The following SYNE2 variants were observed in gnomAD, a reference collection of about 807,000 sequenced individuals.
SYNE2 encodes nesprin-2.
SYNE2 carries 431 observed loss-of-function variants against 856.3 expected under a neutral mutation model. The ratio of observed to expected loss-of-function variants is 0.50; its 90% CI spans 0.47 to 0.55. SYNE2 has a LOEUF of 0.55. Among genes scored for constraint, SYNE2 ranks in the 20% least tolerant of loss-of-function variants. SYNE2 has a pLI of 0.00. For missense variants in SYNE2, 8,129 were observed against 8,023.2 expected, an observed-to-expected ratio of 1.01 and a Z score of -0.50; for synonymous variants, 2,923 against 2,872.3, an observed-to-expected ratio of 1.02 and a Z score of -0.56.
In SYNE2 at chr14:64,065,432, G is replaced by A; in HGVS notation, c.10213G>A (p.Ala3405Thr). ...EALERLEQSKALVSNLISTKE... is the reference protein window; with the variant it reads ...EALERLEQSKTLVSNLISTKE... ...TATTTTTTTTCTTTTCTTTCTTAAGGCCTTGGTGTCAAATCTTATATCAAC... is the reference window on the plus strand; with the variant it reads ...TATTTTTTTTCTTTTCTTTCTTAAGACCTTGGTGTCAAATCTTATATCAAC... Residue 3405 changes from alanine to threonine, a missense_variant and splice_region_variant, in exon 51 of 116, where the codon GCC (alanine) becomes ACC (threonine). Around this residue, in one of 3 missense-constraint regions of SYNE2, gnomAD observed 5,410 missense variants for 5,284.8 expected, o/e 1.02. Transcript: ENST00000555002. 6.2e-7 allele frequency: 1 copy of A among 1,613,734 alleles called. No homozygotes were observed. Among genetic ancestry groups the A allele is most frequent in the Non-Finnish European group, 8.5e-7 (1 of 1,179,790 alleles).
At chr14:64,040,402 C>T (rs1205609775) in intron 45 of SYNE2, among the ~76,000 whole-genome samples, 5 of 151,424 alleles carry the variant, frequency 3.3e-5, no homozygotes, top group Non-Finnish European at 5.9e-5. Context: ...AACAAAAGGA[C>T]GGATTTGAAA....
At position 63,815,238 on chromosome 14, in the gene SYNE2, A is replaced by G. The variant is rs1249893827; in HGVS notation, c.-304-37263A>G. On this transcript the variant is annotated intron_variant, in intron 1 of 23. Transcript: ENST00000674003. ...TATCCATATATATATCCATATATAT[A>G]TGGATATATATATATATATAAGGGA... 2.3e-5 allele frequency among the ~76,000 whole-genome samples: 3 copies of G among 129,198 alleles called. 1 individual carries two copies. Among genetic ancestry groups the G allele is most frequent in the Non-Finnish European group, 4.8e-5 (3 of 62,266 alleles). 84.8% of individuals were successfully genotyped at this position (129,198 alleles called of 152,430 possible). A position where few individuals can be genotyped will look rare whatever the true frequency, so the allele number is the denominator to read the frequency against.
At chr14:64,034,151 C>T (rs1275801291) in intron 45 of SYNE2, among the ~76,000 whole-genome samples, 1 of 152,122 alleles carries the variant, frequency 6.6e-6, no homozygotes, top group Non-Finnish European at 1.5e-5. Flanking sequence ...ATGACTGAAG[C>T]TGGATTCTCA....
chr14:63,778,502 T>G (rs1226777109), intron 1 of SYNE2, among the ~76,000 whole-genome samples: 1 of 152,104 alleles, frequency 6.6e-6, no homozygotes, highest in Admixed American at 6.6e-5. Flanking sequence ...TTTTATTATT[T>G]TATTTATTTA....
At chr14:64,164,640 C>A (rs1439951148) in intron 89 of SYNE2, among the ~76,000 whole-genome samples, 1 of 152,092 alleles carries the variant, frequency 6.6e-6, no homozygotes, top group African/African-American at 2.4e-5. Flanking sequence ...TCAGTACCAG[C>A]AGGAAAACAA....
intron 19 of SYNE2, 41 bp from the exon 20 acceptor site, chr14:63,990,370 C>T (rs1488948165): frequency 6.3e-7 from 1 of 1,593,280 alleles, no homozygotes; most frequent in South Asian, 1.1e-5. Flanking sequence ...AGCATATAAT[C>T]AGAATGTTTA....
At chr14:64,194,206 A>C (rs1336665593) in intron 99 of SYNE2, among the ~76,000 whole-genome samples, 1 of 152,230 alleles carries the variant, frequency 6.6e-6, no homozygotes, top group African/African-American at 2.4e-5. Context: ...ATGACAAGAA[A>C]TATTATATGC....
At chr14:64,169,892 G>A (rs1351556921) in intron 93 of SYNE2, among the ~76,000 whole-genome samples, 1 of 152,186 alleles carries the variant, frequency 6.6e-6, no homozygotes, top group Non-Finnish European at 1.5e-5. Flanking sequence ...GTACCTGCCT[G>A]TTCATCTGTT....
chr14:64,098,319 G>T, intron 62 of SYNE2, 173 bp downstream of exon 62: 1 of 748,762 alleles, frequency 1.3e-6, no homozygotes. Context: ...AATCCTCAGG[G>T]TGTGCCTGTT....
At chr14:63,815,644 A>G (rs1160372671) in intron 1 of SYNE2, among the ~76,000 whole-genome samples, 3 of 152,110 alleles carry the variant, frequency 2.0e-5, no homozygotes, top group Non-Finnish European at 4.4e-5. Context: ...AGTATTAACC[A>G]TCACACTGCC....
In SYNE2 at chr14:64,002,046, C is replaced by G; in HGVS notation, c.3751C>G (p.Leu1251Val). ...TAAAATGGCCATCCAGGGATTTCATCTCATTGATGCTGATCGCATCTATCA... is the reference window on the plus strand; with the variant it reads ...TAAAATGGCCATCCAGGGATTTCATGTCATTGATGCTGATCGCATCTATCA... ...LHKMAIQGFH[L>V]IDADRIYQHL... The change falls in exon 29 of 116, where the codon CTC becomes GTC. Residue 1251 changes from leucine (L) to valine (V), a missense_variant. Leu to Val is a conservative substitution (Grantham distance 32). Coordinates refer to ENST00000555002, the MANE Select transcript of SYNE2 (RefSeq NM_182914.3). 6.2e-7 allele frequency: 1 copy of G among 1,613,310 alleles called. No individual in the cohort carries two copies.
At chr14:63,860,875 G>A (rs1893392623) in intron 1 of SYNE2, among the ~76,000 whole-genome samples, 1 of 152,182 alleles carries the variant, frequency 6.6e-6, no homozygotes. Flanking sequence ...GTAATTGGTA[G>A]TCACTGCAGT....
At chr14:64,100,531 A>AAAAAAAATATAT (rs1491537041) in intron 63 of SYNE2, among the ~76,000 whole-genome samples, 2 of 39,490 alleles carry the variant, frequency 5.1e-5, no homozygotes, top group Non-Finnish European at 9.3e-5. Flanking sequence ...AAAAAAAAAA[A>AAAAAAAATATAT]ATATATATAT....
chr14:63,836,864 A>G (rs1407557456), intron 1 of SYNE2, among the ~76,000 whole-genome samples: 2 of 152,226 alleles, frequency 1.3e-5, no homozygotes, highest in Admixed American at 6.5e-5. Context: ...CTCACAGAGA[A>G]CAAAAGCCAG....
chr14:64,025,240 C>T lies in SYNE2; in HGVS notation c.6071C>T (p.Thr2024Ile), dbSNP rs201401811. 2.2e-4 allele frequency: 351 copies of T among 1,614,058 alleles called. 1 individual carries two copies. The highest frequency in any genetic ancestry group is 1.4e-4 in the Non-Finnish European group (163 of 1,179,980). The change falls in exon 41 of 116, where the codon ACA becomes ATA. Residue 2024 changes from threonine (T) to isoleucine (I), a missense_variant. Physicochemically the swap from Thr to Ile is moderately conservative, Grantham distance 89. Coordinates refer to ENST00000555002, the MANE Select transcript of SYNE2 (RefSeq NM_182914.3). ...EATCLMDRYQ[T>I]LLRQLSEIEE... ...ACATGTTTGATGGATAGATACCAGA[C>T]ATTACTGAGACAACTAAGTGAAATC... is the stretch of plus-strand genomic sequence containing the variant.
rs754375930 is a variant in SYNE2 at position 64,016,592 on chromosome 14, T to G, written c.4848T>G (p.Phe1616Leu). Residue 1616 changes from phenylalanine to leucine, a missense_variant, in exon 33 of 116, where the codon TTT becomes TTG. Physicochemically the swap from Phe to Leu is conservative, Grantham distance 22. Coordinates refer to ENST00000555002, the MANE Select transcript of SYNE2 (RefSeq NM_182914.3). Reference sequence around the variant, plus strand: ...TGAAAACTTTTGAAGAGCCCCCTTTTGAAAAAGAGGCTAATATTATTGTGG... The same window carrying G: ...TGAAAACTTTTGAAGAGCCCCCTTTGGAAAAAGAGGCTAATATTATTGTGG... ...NKMKTFEEPP[F>L]EKEANIIVDR... The G allele has an allele frequency of 6.2e-7, 1 of 1,601,350 alleles. No individual in the cohort carries two copies. The highest frequency in any genetic ancestry group is 1.1e-5 in the South Asian group (1 of 88,696).
intron 61 of SYNE2, among the ~76,000 whole-genome samples, chr14:64,096,824 A>C (rs1392010424): frequency 6.6e-6 from 1 of 152,228 alleles, no homozygotes; most frequent in Non-Finnish European, 1.5e-5. Flanking sequence ...TTTGTAAGAA[A>C]ATTATTGCTT....
At chr14:64,205,323 A>G (rs2098600029) in intron 100 of SYNE2, among the ~76,000 whole-genome samples, 1 of 152,186 alleles carries the variant, frequency 6.6e-6, no homozygotes, top group Non-Finnish European at 1.5e-5. Flanking sequence ...ATATTATGCT[A>G]AACTCAGACC....
At chr14:63,967,524 G>A (rs1414265597) in intron 10 of SYNE2, among the ~76,000 whole-genome samples, 185 bp from the exon 11 acceptor site, 3 of 152,156 alleles carry the variant, frequency 2.0e-5, no homozygotes, top group Non-Finnish European at 4.4e-5. Flanking sequence ...CATTATGCTG[G>A]TGCCCAGTTA....
Sources: gnomAD v4.1 joint callset for allele counts (sites outside exome capture counted in the v4.1 genomes callset) on GRCh38, gnomAD v4.1.1 for gene constraint, gnomAD v4.1.1 regional missense constraint, MANE v1.5 for transcripts, NCBI Gene and HGNC (gene_info 2026-07-23, HGNC 2026-07-21) for gene names.